SNTB2: variants seen among roughly 807,000 people sequenced by gnomAD.
SNTB2 encodes the protein beta-2-syntrophin.
A neutral mutation model predicts 46.2 loss-of-function variants in SNTB2; 34 were observed. That is an observed-to-expected ratio of 0.74 (90% CI 0.56 to 0.98). SNTB2 has a LOEUF of 0.98. Ranked by LOEUF, SNTB2 falls within the 50% of genes least tolerant of loss-of-function variation. SNTB2 has a pLI of 0.00. For missense variants in SNTB2, 603 were observed against 731.4 expected (o/e 0.82, Z 2.02); for synonymous variants, 290 against 312.6 (o/e 0.93, Z 0.76).
intron 4 of SNTB2, among the ~76,000 whole-genome samples, chr16:69,280,356 C>A (rs535744672): frequency 3.5e-4 from 53 of 152,332 alleles, no homozygotes; most frequent in Non-Finnish European, 6.8e-4. Flanking sequence ...CATCATGGCC[C>A]GTTCTCAATG....
intron 1 of SNTB2, among the ~76,000 whole-genome samples, chr16:69,213,821 TC>T (rs1964315906): frequency 1.5e-5 from 2 of 133,470 alleles, no homozygotes; most frequent in Non-Finnish European, 3.2e-5. Context: ...ATTTTAGAGT[TC>T]TTTTTTTTTT....
intron 1 of SNTB2, chr16:69,235,961 G>T: frequency 2.4e-6 from 2 of 827,996 alleles, no homozygotes; most frequent in Non-Finnish European, 3.2e-6. Flanking sequence ...CATTACTTTC[G>T]CATTAGGATT....
intron 3 of SNTB2, among the ~76,000 whole-genome samples, chr16:69,267,953 GT>G (rs1964901776): frequency 6.6e-6 from 1 of 152,222 alleles, no homozygotes; most frequent in South Asian, 2.1e-4. Context: ...AAAATGCAGT[GT>G]TGTTGAACAG....
intron 1 of SNTB2, among the ~76,000 whole-genome samples, chr16:69,228,684 TATTA>T (rs1304576817): frequency 1.3e-5 from 2 of 152,240 alleles, no homozygotes; most frequent in African/African-American, 4.8e-5. Flanking sequence ...AAGCATATTC[TATTA>T]ATTATGTACA....
rs574059254 is a variant in SNTB2 at position 69,195,199 on chromosome 16, C to T, written c.580+7453C>T. ...CAGGGGCAGCTTTTGAAGTCAGAGA[C>T]GGAGAAAAATCTTTGTTTATCAAAA... is the stretch of plus-strand genomic sequence containing the variant. On this transcript the variant is annotated intron_variant, in intron 1 of 6. Coordinates refer to ENST00000336278, the MANE Select transcript of SNTB2 (RefSeq NM_006750.4). 7.9e-5 allele frequency among the ~76,000 whole-genome samples: 12 copies of T among 152,164 alleles called. No individual in the cohort carries two copies. In the South Asian group the frequency reaches 1.2e-3, roughly 16 times the overall value.
rs951911025 is a variant in SNTB2, at chr16:69,201,411, G to A, written c.580+13665G>A. Among the ~76,000 whole-genome samples the A allele has an allele frequency of 3.3e-5, 5 of 152,282 alleles. No homozygotes were observed. The South Asian group carries it at 8.3e-4, about 25-fold the overall frequency. The stretch of plus-strand genomic sequence containing the variant: ...GCCAACTTATTTATGTGATGTTGAT[G>A]TGGTGCTGAATAGGAAAAAACATAG... On this transcript the variant is annotated intron_variant, in intron 1 of 6. Transcript: ENST00000336278.
intron 1 of SNTB2, among the ~76,000 whole-genome samples, chr16:69,187,990 T>G (rs913690740): frequency 6.6e-6 from 1 of 152,068 alleles, no homozygotes; most frequent in South Asian, 2.1e-4. Flanking sequence ...AGCAGCTGCC[T>G]ATGAAGCCCC....
rs779924377 is a variant in SNTB2 at position 69,294,818 on chromosome 16, A to ATT, written c.1346-4759_1346-4758dup. ...GATACCTGAAGAACTGTAGTTTTTG[A>ATT]TTTTTTTTTTTTTTCGCTCTGTCAC... On this transcript the variant is annotated intron_variant, in intron 5 of 6. Coordinates refer to ENST00000336278, the MANE Select transcript of SNTB2 (RefSeq NM_006750.4). Among the ~76,000 whole-genome samples, 794 of 140,120 alleles carry ATT rather than the reference A, an allele frequency of 5.7e-3. 7 individuals carry two copies. The highest frequency in any genetic ancestry group is 0.027 in the Admixed American group (375 of 13,934). 91.9% of individuals were successfully genotyped at this position (140,120 alleles called of 152,430 possible). A position where few individuals can be genotyped will look rare whatever the true frequency, so the allele number is the denominator to read the frequency against.
At chr16:69,230,692 A>G (rs1964498344) in intron 1 of SNTB2, among the ~76,000 whole-genome samples, 1 of 148,070 alleles carries the variant, frequency 6.8e-6, no homozygotes. Context: ...AGCCTCTAAT[A>G]TTTGAGCAGG....
In SNTB2 at chr16:69,299,678, C is replaced by T. The variant is rs375582563; in HGVS notation, c.1434C>T (p.Ser478=). 6.2e-7 allele frequency: 1 copy of T among 1,614,034 alleles called. No individual in the cohort carries two copies. Among genetic ancestry groups the T allele is most frequent in the African/African-American group, 1.3e-5 (1 of 74,918 alleles). Residue 478 remains serine, a synonymous_variant, in exon 6 of 7, where the codon AGC becomes AGT. Coordinates refer to ENST00000336278, the MANE Select transcript of SNTB2 (RefSeq NM_006750.4). ...CAAGGGAAAATGGAGGCTCCAGCAGCATATTGTACCGCTACCCCTTTGAAA... is the reference window on the plus strand; with the variant it reads ...CAAGGGAAAATGGAGGCTCCAGCAGTATATTGTACCGCTACCCCTTTGAAA... ...TISRENGGSS[S]ILYRYPFERL...
chr16:69,220,287 G>A (rs1257620235), intron 1 of SNTB2, among the ~76,000 whole-genome samples: 3 of 142,608 alleles, frequency 2.1e-5, no homozygotes, highest in Non-Finnish European at 1.5e-5. Flanking sequence ...TCAGCCTCCC[G>A]AGTAGCTGGG....
intron 5 of SNTB2, among the ~76,000 whole-genome samples, chr16:69,285,291 G>A (rs1166974977): frequency 2.0e-5 from 3 of 151,278 alleles, no homozygotes; most frequent in Non-Finnish European, 4.4e-5. Flanking sequence ...TTTAAGCCTG[G>A]TATATGACTC....
At chr16:69,241,337 C>T (rs1190402474) in intron 1 of SNTB2, among the ~76,000 whole-genome samples, 6 of 150,968 alleles carry the variant, frequency 4.0e-5, no homozygotes, top group South Asian at 2.1e-4. Flanking sequence ...CCACCGCACC[C>T]GGCAAATTTT....
In SNTB2 at chr16:69,187,216, C is replaced by A; in HGVS notation, c.50C>A (p.Ala17Glu). 2 of 1,435,660 alleles carry A rather than the reference C, an allele frequency of 1.4e-6. No homozygotes were observed. Among genetic ancestry groups the A allele is most frequent in the South Asian group, 1.5e-5 (1 of 68,682 alleles). The allele number at this position is 1,435,660 out of a possible 1,614,324, so 88.9% of individuals were successfully genotyped here. A position where few individuals can be genotyped will look rare whatever the true frequency, so the allele number is the denominator to read the frequency against. The change falls in exon 1 of 7, where the codon GCG becomes GAG. Residue 17 changes from alanine (A) to glutamate (E), a missense_variant. By Grantham distance (107) the Ala-to-Glu change is moderately radical. Transcript: ENST00000336278. ...TAAAGAGPAMAVWTRATKAGL... is the reference protein window; with the variant it reads ...TAAAGAGPAMEVWTRATKAGL... ...GCGGCTGGAGCGGGGCCGGCCATGG[C>A]GGTGTGGACGCGGGCCACCAAAGCG...
chr16:69,282,824 C>T (rs1156371484), intron 4 of SNTB2, among the ~76,000 whole-genome samples: 1 of 152,148 alleles, frequency 6.6e-6, no homozygotes, highest in Admixed American at 6.5e-5. Context: ...TGGACTTATG[C>T]TTAAGCATTT....
chr16:69,187,809 T>C (rs1352832441), intron 1 of SNTB2, 63 bp downstream of exon 1: 9 of 1,288,878 alleles, frequency 7.0e-6, no homozygotes, highest in Non-Finnish European at 8.0e-6. Flanking sequence ...GGAGCTCACT[T>C]TGTTCCTGCC....
At chr16:69,220,484 T>C (rs1471039938) in intron 1 of SNTB2, among the ~76,000 whole-genome samples, 1 of 151,752 alleles carries the variant, frequency 6.6e-6, no homozygotes, top group Non-Finnish European at 1.5e-5. Flanking sequence ...TATTGAGATA[T>C]AATTTACATA....
At position 69,270,195 on chromosome 16, in the gene SNTB2, C is replaced by A; in HGVS notation, c.1058C>A (p.Thr353Asn). The A allele has an allele frequency of 6.2e-7, 1 of 1,614,064 alleles. No homozygotes were observed. The highest frequency in any genetic ancestry group is 8.5e-7 in the Non-Finnish European group (1 of 1,180,034). The change falls in exon 4 of 7, where the codon ACT becomes AAT. Residue 353 changes from threonine to asparagine, a missense_variant. By Grantham distance (65) the Thr-to-Asn change is moderately conservative (BLOSUM62 0). Coordinates refer to ENST00000336278, the MANE Select transcript of SNTB2 (RefSeq NM_006750.4). The stretch of plus-strand genomic sequence containing the variant: ...TGGAGACCTGTCCTCATGGCTGTGA[C>A]TGAGAAGGATTTGCTGCTCTATGAC... Reference protein sequence around the residue: ...QQWRPVLMAVTEKDLLLYDCM... With the variant: ...QQWRPVLMAVNEKDLLLYDCM...
At chr16:69,203,933 C>T (rs966765201) in intron 1 of SNTB2, among the ~76,000 whole-genome samples, 3 of 152,018 alleles carry the variant, frequency 2.0e-5, no homozygotes, top group African/African-American at 7.3e-5. Flanking sequence ...TGCTCTGTCG[C>T]CCAGGCTGGA....
Sources: gnomAD v4.1 joint callset for allele counts (sites outside exome capture counted in the v4.1 genomes callset) on GRCh38, gnomAD v4.1.1 for gene constraint, MANE v1.5 for transcripts, NCBI Gene and HGNC (gene_info 2026-07-23, HGNC 2026-07-21) for gene names.